GAD2: variants seen among roughly 807,000 people sequenced by gnomAD.
The protein encoded by GAD2 is glutamate decarboxylase 2, also known as 65 kDa glutamic acid decarboxylase.
A neutral mutation model predicts 80.1 loss-of-function variants in GAD2; 22 were observed. The ratio of observed to expected loss-of-function variants is 0.27; its 90% confidence interval spans 0.20 to 0.39. The LOEUF is 0.39. Ranked by LOEUF, GAD2 falls within the 10% of genes least tolerant of loss-of-function variation. The pLI is 1.00. For missense variants in GAD2, 624 were observed against 738.4 expected (o/e 0.85, Z 1.80); for synonymous variants, 274 against 256.9 (o/e 1.07, Z -0.64).
intron 10 of GAD2, among the ~76,000 whole-genome samples, chr10:26,272,914 G>A (rs1473694193): frequency 6.6e-6 from 1 of 152,106 alleles, no homozygotes; most frequent in Non-Finnish European, 1.5e-5. Flanking sequence ...AAAAGGTGGG[G>A]GGAAGTGATT....
chr10:26,272,490 A>G (rs1282000469), intron 10 of GAD2, among the ~76,000 whole-genome samples: 1 of 152,220 alleles, frequency 6.6e-6, no homozygotes, highest in East Asian at 1.9e-4. Flanking sequence ...TACTCTTATT[A>G]GCTTTAACAT....
chr10:26,277,292 G>A (rs1845220205), intron 11 of GAD2, among the ~76,000 whole-genome samples: 1 of 152,214 alleles, frequency 6.6e-6, no homozygotes, highest in African/African-American at 2.4e-5. Context: ...GGTCATGGGT[G>A]GAAAGTGCAG....
intron 4 of GAD2, among the ~76,000 whole-genome samples, chr10:26,221,636 C>G (rs1463448767): frequency 1.3e-5 from 2 of 152,168 alleles, no homozygotes; most frequent in Non-Finnish European, 2.9e-5. Context: ...TGGCCTCTTC[C>G]CAACTGATCA....
At chr10:26,290,336 A>T (rs1431641073) in intron 13 of GAD2, among the ~76,000 whole-genome samples, 2 of 152,214 alleles carry the variant, frequency 1.3e-5, no homozygotes, top group African/African-American at 4.8e-5. Context: ...GGGGAATTTA[A>T]AGGACGGAGA....
intron 11 of GAD2, 111 bp downstream of exon 11, chr10:26,273,811 T>C: frequency 1.2e-6 from 1 of 833,506 alleles, no homozygotes; most frequent in South Asian, 1.6e-5. Flanking sequence ...CTCACTCTAT[T>C]CAGTGCTTGT....
intron 7 of GAD2, among the ~76,000 whole-genome samples, chr10:26,237,639 T>TG (rs1844691475): frequency 6.6e-6 from 1 of 152,102 alleles, no homozygotes; most frequent in Non-Finnish European, 1.5e-5. Flanking sequence ...TCCACAGCCT[T>TG]GGGAGAGTCT....
rs138448514 is a variant in GAD2, at chr10:26,221,705, G to A, written c.521-2182G>A. On this transcript the variant is annotated intron_variant, in intron 4 of 15. Transcript: ENST00000376261. ...GTTCGCAGAGTCTGCGCATCCTTCC[G>A]GGCTCATTTGCTAGTCTGCAGGGAG... 6.6e-5 allele frequency among the ~76,000 whole-genome samples: 10 copies of A among 152,326 alleles called. 1 individual carries two copies. Among genetic ancestry groups the A allele is most frequent in the Non-Finnish European group, 8.8e-5 (6 of 68,032 alleles).
At chr10:26,296,867 T>G (rs1304397663) in intron 15 of GAD2, among the ~76,000 whole-genome samples, 1 of 152,200 alleles carries the variant, frequency 6.6e-6, no homozygotes, top group African/African-American at 2.4e-5. Context: ...TTTGAAAGTC[T>G]GTGTTATTAA....
At chr10:26,275,022 G>A (rs1226263343) in intron 11 of GAD2, among the ~76,000 whole-genome samples, 1 of 152,224 alleles carries the variant, frequency 6.6e-6, no homozygotes, top group East Asian at 1.9e-4. Flanking sequence ...GTCAGCCAGT[G>A]CCAGGCCTCT....
chr10:26,266,860 T>C (rs962407178), intron 8 of GAD2, among the ~76,000 whole-genome samples: 2 of 152,216 alleles, frequency 1.3e-5, no homozygotes, highest in East Asian at 1.9e-4. Flanking sequence ...AGGTTTCCTA[T>C]ATGTTTGGCA....
intron 13 of GAD2, among the ~76,000 whole-genome samples, chr10:26,287,130 T>C (rs1158830083): frequency 6.6e-6 from 1 of 152,198 alleles, no homozygotes; most frequent in Non-Finnish European, 1.5e-5. Context: ...AGCCTACATT[T>C]ATGTTTAAAT....
At chr10:26,235,975 C>T (rs1474811950) in intron 7 of GAD2, among the ~76,000 whole-genome samples, 1 of 152,214 alleles carries the variant, frequency 6.6e-6, no homozygotes, top group African/African-American at 2.4e-5. Flanking sequence ...ATCACCGTAA[C>T]TAATTCGCTC....
chr10:26,301,516 T>C lies in GAD2; in HGVS notation c.*555T>C, dbSNP rs2132326661. ...CTATTTTGTAACATATAGATTTTTA[T>C]TTTATATAGGTTATACAAACTGCGG... On this transcript the variant is annotated 3_prime_UTR_variant, in exon 16 of 16. Transcript: ENST00000376261. 2 of 152,272 alleles carry C rather than the reference T, an allele frequency of 1.3e-5. 1 individual carries two copies. Among genetic ancestry groups the C allele is most frequent in the East Asian group, 3.9e-4 (2 of 5,188 alleles). The allele number at this position is 152,272 out of a possible 1,614,324, so 9.4% of individuals were successfully genotyped here. A position where few individuals can be genotyped will look rare whatever the true frequency, so the allele number is the denominator to read the frequency against.
At chr10:26,232,849 C>T (rs537484490) in intron 7 of GAD2, among the ~76,000 whole-genome samples, 1 of 152,226 alleles carries the variant, frequency 6.6e-6, no homozygotes, top group East Asian at 1.9e-4. Flanking sequence ...CGTATAACAA[C>T]CATTTGACTC....
chr10:26,235,334 A>G (rs936618187), intron 7 of GAD2, among the ~76,000 whole-genome samples: 1 of 152,192 alleles, frequency 6.6e-6, no homozygotes, highest in African/African-American at 2.4e-5. Context: ...CCAACCAGAA[A>G]TGTTCACATA....
At chr10:26,281,200 C>T (rs1845267183) in intron 12 of GAD2, 113 bp downstream of exon 12, 1 of 697,638 alleles carries the variant, frequency 1.4e-6, no homozygotes, top group Non-Finnish European at 2.4e-6. Context: ...TGGTCCTACT[C>T]ACATTCCCCA....
intron 13 of GAD2, among the ~76,000 whole-genome samples, chr10:26,288,437 G>A (rs937088059): frequency 6.6e-6 from 1 of 152,128 alleles, no homozygotes; most frequent in Admixed American, 6.6e-5. Context: ...TTTGAAAATT[G>A]ACAGCCCAAC....
At chr10:26,237,999 CACACAG>C (rs200902166) in intron 7 of GAD2, among the ~76,000 whole-genome samples, 10,508 of 112,240 alleles carry the variant, frequency 0.094, 400 homozygotes, top group African/African-American at 0.13. Flanking sequence ...GAGACTCCAT[CACACAG>C]ACACACACAC....
chr10:26,226,032 A>T (rs963580498), intron 6 of GAD2, among the ~76,000 whole-genome samples: 9 of 152,156 alleles, frequency 5.9e-5, no homozygotes, highest in Non-Finnish European at 4.4e-5. Context: ...GTGGTTGGTT[A>T]TAGGATTGAT....
Sources: gnomAD v4.1 joint callset for allele counts (sites outside exome capture counted in the v4.1 genomes callset) on GRCh38, gnomAD v4.1.1 for gene constraint, MANE v1.5 for transcripts, NCBI Gene and HGNC (gene_info 2026-07-23, HGNC 2026-07-21) for gene names.